NIM1K: variants seen among roughly 807,000 people sequenced by gnomAD.
NIM1K encodes the protein serine/threonine-protein kinase NIM1.
In NIM1K, 35 loss-of-function variants were observed where a neutral mutation model predicts 37.1. The ratio of observed to expected loss-of-function variants is 0.94; its 90% confidence interval spans 0.72 to 1.25. NIM1K has a LOEUF of 1.25. Ranked by LOEUF, NIM1K falls within the 50% of genes most tolerant of loss-of-function variation. The probability of loss-of-function intolerance (pLI) is 0.00; values close to 1 mark genes in which losing one functional copy is unlikely to be tolerated. For missense variants in NIM1K, 564 were observed against 548.0 expected, an observed-to-expected ratio of 1.03 and a Z score of -0.29; for synonymous variants, 234 against 206.6, an observed-to-expected ratio of 1.13 and a Z score of -1.14.
Position 43,207,294 on chromosome 5 carries a change from G to A in NIM1K, c.-695+14883G>A, listed in dbSNP as rs1752132038. On this transcript the variant is annotated intron_variant, in intron 1 of 3. Coordinates refer to ENST00000326035, the MANE Select transcript of NIM1K (RefSeq NM_153361.4). ...CTCATTCTGGGAGAGAGAGATGGGG[G>A]CATATTGTGTGAAATAGTCAAACTA... 2.9e-5 allele frequency: 22 copies of A among 761,224 alleles called. 1 individual carries two copies. The highest frequency in any genetic ancestry group is 2.8e-4 in the South Asian group (21 of 74,384). The allele number at this position is 761,224 out of a possible 1,614,324, so 47.2% of individuals were successfully genotyped here. A position where few individuals can be genotyped will look rare whatever the true frequency, so the allele number is the denominator to read the frequency against.
chr5:43,260,752 C>T (rs989914982), intron 2 of NIM1K, among the ~76,000 whole-genome samples: 1 of 151,904 alleles, frequency 6.6e-6, no homozygotes, highest in Non-Finnish European at 1.5e-5. Flanking sequence ...TAATGCTATC[C>T]CTCCCCCCTT....
In NIM1K at chr5:43,222,336, G is replaced by A. The variant is rs373930090; in HGVS notation, c.-694-22746G>A. On this transcript the variant is annotated intron_variant, in intron 1 of 3. Coordinates refer to ENST00000326035, the MANE Select transcript of NIM1K (RefSeq NM_153361.4). Reference sequence around the variant, plus strand: ...TTGCTGGGTGGGCAGTGAGAAGAGAGAGAAGAAAACTATTAGTGATAGACT... The same window carrying A: ...TTGCTGGGTGGGCAGTGAGAAGAGAAAGAAGAAAACTATTAGTGATAGACT... Among the ~76,000 whole-genome samples the A allele has an allele frequency of 2.5e-3, 387 of 152,298 alleles. 1 individual carries two copies. Among genetic ancestry groups the A allele is most frequent in the Middle Eastern group, 0.014 (4 of 294 alleles).
chr5:43,223,010 A>C (rs1752403263), intron 1 of NIM1K, among the ~76,000 whole-genome samples: 1 of 151,918 alleles, frequency 6.6e-6, no homozygotes, highest in Admixed American at 6.6e-5. Context: ...GTGGTGGTGC[A>C]TGCCTGTAAT....
At chr5:43,259,776 G>A (rs1262397751) in intron 2 of NIM1K, among the ~76,000 whole-genome samples, 1 of 152,074 alleles carries the variant, frequency 6.6e-6, no homozygotes, top group African/African-American at 2.4e-5. Context: ...TTGTGCAGAA[G>A]CTTTTCAGTT....
At chr5:43,272,593 CT>C (rs1489085726) in intron 2 of NIM1K, among the ~76,000 whole-genome samples, 1 of 152,154 alleles carries the variant, frequency 6.6e-6, no homozygotes, top group Non-Finnish European at 1.5e-5. Context: ...ACTCAGGCAA[CT>C]TTTGTGTCTA....
chr5:43,267,114 A>T (rs1753173930), intron 2 of NIM1K, among the ~76,000 whole-genome samples: 1 of 152,090 alleles, frequency 6.6e-6, no homozygotes, highest in East Asian at 1.9e-4. Flanking sequence ...CAATCAGTAA[A>T]TTTTACTTAG....
intron 1 of NIM1K, chr5:43,233,321 A>AC: frequency 2.2e-6 from 1 of 457,934 alleles, no homozygotes; most frequent in Non-Finnish European, 3.8e-6. Context: ...TTAAAAAAAA[A>AC]AAAAAACTTA....
At chr5:43,269,844 T>C (rs1179483803) in intron 2 of NIM1K, among the ~76,000 whole-genome samples, 3 of 152,172 alleles carry the variant, frequency 2.0e-5, no homozygotes, top group African/African-American at 7.2e-5. Flanking sequence ...GGTCTCGATC[T>C]CCTGACCTCG....
intron 1 of NIM1K, among the ~76,000 whole-genome samples, chr5:43,198,397 G>A (rs891163610): frequency 2.4e-5 from 3 of 126,358 alleles, no homozygotes; most frequent in African/African-American, 9.1e-5. Flanking sequence ...CCTCCCTCTC[G>A]AGCTCGCTCT....
chr5:43,228,179 C>T (rs533830382), intron 1 of NIM1K, among the ~76,000 whole-genome samples: 1 of 151,614 alleles, frequency 6.6e-6, no homozygotes, highest in Non-Finnish European at 1.5e-5. Flanking sequence ...TGGAGTCTCG[C>T]TCTGTCGCCC....
At chr5:43,204,652 C>G (rs2112207623) in intron 1 of NIM1K, among the ~76,000 whole-genome samples, 1 of 150,468 alleles carries the variant, frequency 6.6e-6, no homozygotes, top group South Asian at 2.1e-4. Flanking sequence ...TTGCAGTGAG[C>G]CAAGATGGTG....
chr5:43,280,307 C>T lies in NIM1K; in HGVS notation c.889C>T (p.Pro297Ser). ...TYSVPPHVSE[P>S]CHRLIRGVLQ... ...CAGTGTACCGCCGCACGTGTCAGAGCCCTGCCACCGACTCATCCGAGGAGT... is the reference window on the plus strand; with the variant it reads ...CAGTGTACCGCCGCACGTGTCAGAGTCCTGCCACCGACTCATCCGAGGAGT... Residue 297 changes from proline to serine, a missense_variant, in exon 4 of 4, where the codon CCC (proline) becomes TCC (serine). Transcript: ENST00000326035. The T allele has an allele frequency of 6.2e-7, 1 of 1,614,132 alleles. No individual in the cohort carries two copies. Among genetic ancestry groups the T allele is most frequent in the South Asian group, 1.1e-5 (1 of 91,072 alleles).
In NIM1K at chr5:43,277,199, G is replaced by C. The variant is rs1753356197; in HGVS notation, c.435G>C (p.Lys145Asn). Residue 145 changes from lysine (K) to asparagine (N), a missense_variant, in exon 3 of 4, where the codon AAG becomes AAC. Lys to Asn is a moderately conservative substitution (Grantham distance 94, BLOSUM62 0). Coordinates refer to ENST00000326035, the MANE Select transcript of NIM1K (RefSeq NM_153361.4). ...ACGAAGTGGTGGAGACCCTATCCAA[G>C]CTGCACTTGGTGATGGAGTATGCAG... is the stretch of plus-strand genomic sequence containing the variant. Reference protein sequence around the residue: ...RLYEVVETLSKLHLVMEYAGG... With the variant: ...RLYEVVETLSNLHLVMEYAGG... 1 of 1,614,132 alleles carries C rather than the reference G, an allele frequency of 6.2e-7. No individual in the cohort carries two copies. The highest frequency in any genetic ancestry group is 2.2e-5 in the East Asian group (1 of 44,874).
chr5:43,261,651 T>C (rs1753032661), intron 2 of NIM1K, among the ~76,000 whole-genome samples: 1 of 152,088 alleles, frequency 6.6e-6, no homozygotes, highest in Admixed American at 6.5e-5. Context: ...TTGTTGCCAT[T>C]GCTTTTGGTG....
At chr5:43,268,310 C>A (rs1208335906) in intron 2 of NIM1K, among the ~76,000 whole-genome samples, 3 of 152,162 alleles carry the variant, frequency 2.0e-5, no homozygotes, top group African/African-American at 7.2e-5. Flanking sequence ...GCCATGTGGT[C>A]AAACTAGGAT....
rs7723056 is a variant in NIM1K at position 43,202,019 on chromosome 5, G to A, written c.-695+9608G>A. Among the ~76,000 whole-genome samples, 441 of 150,694 alleles carry A rather than the reference G, an allele frequency of 2.9e-3. 2 individuals are homozygous for A. The highest frequency in any genetic ancestry group is 0.01 in the African/African-American group (428 of 41,118). On this transcript the variant is annotated intron_variant, in intron 1 of 3. Coordinates refer to ENST00000326035, the MANE Select transcript of NIM1K (RefSeq NM_153361.4). ...AGATATTTTTCTAAATTATTCTCTTGAGCCTATAGTAGATTGTGACCTTGA... is the reference window on the plus strand; with the variant it reads ...AGATATTTTTCTAAATTATTCTCTTAAGCCTATAGTAGATTGTGACCTTGA...
intron 1 of NIM1K, among the ~76,000 whole-genome samples, chr5:43,198,207 C>CTCTCTCTTTCTTTCTT (rs1751957390): frequency 4.1e-5 from 2 of 48,872 alleles, no homozygotes; most frequent in African/African-American, 7.9e-5. Flanking sequence ...TTCTTTCTTT[C>CTCTCTCTTTCTTTCTT]TCTTTCTTTC....
chr5:43,209,229 G>A (rs1328496538), intron 1 of NIM1K, among the ~76,000 whole-genome samples: 1 of 152,222 alleles, frequency 6.6e-6, no homozygotes, highest in Non-Finnish European at 1.5e-5. Context: ...ATGCTGGTTT[G>A]TAAACATTGT....
At chr5:43,267,060 C>T (rs1418379803) in intron 2 of NIM1K, among the ~76,000 whole-genome samples, 1 of 152,162 alleles carries the variant, frequency 6.6e-6, no homozygotes, top group Non-Finnish European at 1.5e-5. Context: ...TAGAATTCAG[C>T]TATGAATCCA....
Sources: gnomAD v4.1 joint callset for allele counts (sites outside exome capture counted in the v4.1 genomes callset) on GRCh38, gnomAD v4.1.1 for gene constraint, MANE v1.5 for transcripts, NCBI Gene and HGNC (gene_info 2026-07-23, HGNC 2026-07-21) for gene names.